MACROD2: variants seen among roughly 807,000 people sequenced by gnomAD.
MACROD2 encodes the protein mono-ADP ribosylhydrolase 2, also known as ADP-ribose glycohydrolase MACROD2.
MACROD2 carries 36 observed loss-of-function variants against 70.4 expected under a neutral mutation model. That is an observed-to-expected ratio of 0.51 (90% CI 0.39 to 0.68). The LOEUF is 0.68. Ranked by LOEUF, MACROD2 falls within the 30% of genes least tolerant of loss-of-function variation. The pLI is 0.00. For synonymous variants in MACROD2, 172 were observed against 178.8 expected (o/e 0.96, Z 0.30); for missense variants, 496 against 538.4 (o/e 0.92, Z 0.78).
At chr20:15,585,535 C>T (rs1376269948) in intron 8 of MACROD2, among the ~76,000 whole-genome samples, 1 of 152,080 alleles carries the variant, frequency 6.6e-6, no homozygotes, top group Non-Finnish European at 1.5e-5. Flanking sequence ...GCCTTGAAGC[C>T]CACAGTGCTC....
chr20:14,642,334 G>A (rs1399943381), intron 4 of MACROD2, among the ~76,000 whole-genome samples: 7 of 152,100 alleles, frequency 4.6e-5, no homozygotes, highest in African/African-American at 9.7e-5. Flanking sequence ...CACTTTCTCC[G>A]TATCAGCAGT....
intron 7 of MACROD2, among the ~76,000 whole-genome samples, chr20:15,477,143 C>T (rs564179411): frequency 1.0e-3 from 153 of 147,816 alleles, no homozygotes; most frequent in Non-Finnish European, 1.6e-3. Context: ...CTCTGTCACC[C>T]GTGCCGGACT....
intron 2 of MACROD2, among the ~76,000 whole-genome samples, chr20:14,050,622 A>G (rs868810159): frequency 2.0e-5 from 3 of 152,190 alleles, no homozygotes; most frequent in Non-Finnish European, 4.4e-5. Flanking sequence ...GAACGAAGGA[A>G]AAAACTGACC....
chr20:14,944,771 T>A (rs1421131193), intron 5 of MACROD2, among the ~76,000 whole-genome samples: 1 of 152,088 alleles, frequency 6.6e-6, no homozygotes, highest in Non-Finnish European at 1.5e-5. Context: ...TCCAGGGAAT[T>A]TCCAGGACAC....
chr20:14,190,953 C>T (rs972401572), intron 3 of MACROD2, among the ~76,000 whole-genome samples: 6 of 151,602 alleles, frequency 4.0e-5, no homozygotes, highest in African/African-American at 7.3e-5. Flanking sequence ...ATGATCCGCC[C>T]GCCTCGGCCT....
At chr20:15,764,655 C>T (rs2051493347) in intron 8 of MACROD2, among the ~76,000 whole-genome samples, 1 of 152,188 alleles carries the variant, frequency 6.6e-6, no homozygotes, top group Non-Finnish European at 1.5e-5. Context: ...TTCAAAACAT[C>T]ATTGCCTTTC....
intron 3 of MACROD2, among the ~76,000 whole-genome samples, chr20:14,403,195 G>T (rs1211745175): frequency 1.3e-5 from 2 of 152,000 alleles, no homozygotes; most frequent in Non-Finnish European, 1.5e-5. Flanking sequence ...CTTCTAAGGG[G>T]TCCATAAACA....
intron 5 of MACROD2, among the ~76,000 whole-genome samples, chr20:14,816,159 G>A (rs2072771797): frequency 6.6e-6 from 1 of 151,964 alleles, no homozygotes; most frequent in Non-Finnish European, 1.5e-5. Context: ...TGAAGGTACG[G>A]AAAGATAAGA....
chr20:15,790,457 C>T (rs1259191429), intron 8 of MACROD2, among the ~76,000 whole-genome samples: 1 of 151,858 alleles, frequency 6.6e-6, no homozygotes, highest in Non-Finnish European at 1.5e-5. Flanking sequence ...ATTGTTAGTT[C>T]TATTCCTAAG....
intron 5 of MACROD2, among the ~76,000 whole-genome samples, chr20:15,028,841 GT>G (rs530655449): frequency 3.6e-4 from 55 of 152,298 alleles, no homozygotes; most frequent in African/African-American, 1.3e-3. Flanking sequence ...AAAAATGTTT[GT>G]TTTGTGCAGA....
chr20:15,090,315 A>G (rs1045961124), intron 5 of MACROD2, among the ~76,000 whole-genome samples: 1 of 152,066 alleles, frequency 6.6e-6, no homozygotes, highest in African/African-American at 2.4e-5. Context: ...GGATGCAACT[A>G]TCTCTTTCTT....
intron 5 of MACROD2, among the ~76,000 whole-genome samples, chr20:14,691,454 G>T (rs1017004469): frequency 6.6e-6 from 1 of 152,092 alleles, no homozygotes; most frequent in Non-Finnish European, 1.5e-5. Context: ...AGAATGCCTA[G>T]AAAAATATGG....
At chr20:15,663,532 C>T (rs183979677) in intron 8 of MACROD2, among the ~76,000 whole-genome samples, 13 of 151,800 alleles carry the variant, frequency 8.6e-5, no homozygotes, top group Admixed American at 3.9e-4. Context: ...CATCGTGCCT[C>T]GCCTGAATTT....
At chr20:15,011,350 G>T (rs1279235401) in intron 5 of MACROD2, among the ~76,000 whole-genome samples, 1 of 152,096 alleles carries the variant, frequency 6.6e-6, no homozygotes, top group African/African-American at 2.4e-5. Context: ...GAGAGAGAGA[G>T]TGAGAGAAGG....
intron 6 of MACROD2, among the ~76,000 whole-genome samples, chr20:15,371,751 C>T (rs2045497412): frequency 6.6e-6 from 1 of 151,942 alleles, no homozygotes. Flanking sequence ...TAAAAAGCAC[C>T]TAGAATGGAT....
At position 14,720,536 on chromosome 20, in the gene MACROD2, C is replaced by CTTTTTTTTTTTTT. The variant is rs753673265; in HGVS notation, c.418+35599_418+35611dup. ...GTTTCATTTCCCAGCTGCCCCACAA[C>CTTTTTTTTTTTTT]TTTTTTTTTTTTTTTTTTTTTTTTT... On this transcript the variant is annotated intron_variant, in intron 5 of 17. Transcript: ENST00000684519. Among the ~76,000 whole-genome samples the CTTTTTTTTTTTTT allele has an allele frequency of 2.3e-3, 84 of 35,948 alleles. 23 individuals carry two copies. Among genetic ancestry groups the CTTTTTTTTTTTTT allele is most frequent in the Non-Finnish European group, 2.6e-3 (55 of 20,780 alleles). The allele number at this position is 35,948 out of a possible 152,430, so 23.6% of individuals were successfully genotyped here.
In MACROD2 at chr20:15,352,337, G is replaced by T. The variant is rs529786489; in HGVS notation, c.541-79068G>T. 3.9e-5 allele frequency among the ~76,000 whole-genome samples: 6 copies of T among 152,244 alleles called. No homozygotes were observed. In the South Asian group the frequency reaches 1.0e-3, roughly 26 times the overall value. On this transcript the variant is annotated intron_variant, in intron 6 of 17. Transcript: ENST00000684519. The stretch of plus-strand genomic sequence containing the variant: ...TTTCTCATTTCTTGTAATCAAGAGA[G>T]TGTTAATGAAGACATTCTGAATGAG...
In MACROD2 at chr20:15,491,285, T is replaced by C. The variant is rs147061314; in HGVS notation, c.572-8489T>C. On this transcript the variant is annotated intron_variant, in intron 7 of 17. Transcript: ENST00000684519. ...CCCAACTCCTCCCCAATTAATTAGC[T>C]ATTTTATAGAACATTTCTCTACTGT... Among the ~76,000 whole-genome samples the C allele has an allele frequency of 5.9e-3, 896 of 152,278 alleles. 8 individuals carry two copies. The highest frequency in any genetic ancestry group is 0.021 in the African/African-American group (856 of 41,548).
chr20:15,036,314 T>C (rs1426761851), intron 5 of MACROD2, among the ~76,000 whole-genome samples: 1 of 152,200 alleles, frequency 6.6e-6, no homozygotes, highest in East Asian at 1.9e-4. Context: ...ATAATTGCAG[T>C]ACATTACGAT....
Sources: allele counts gnomAD v4.1 joint callset (sites outside exome capture counted in the v4.1 genomes callset), GRCh38; gene constraint gnomAD v4.1.1; transcripts MANE v1.5; gene names NCBI Gene and HGNC (gene_info 2026-07-23, HGNC 2026-07-21).